The following ZNF385B variants were observed in gnomAD, a reference collection of about 807,000 sequenced individuals.
ZNF385B encodes the protein zinc finger protein 533.
In ZNF385B, 23 loss-of-function variants were observed where a neutral mutation model predicts 39.2. The ratio of observed to expected loss-of-function variants is 0.59; its 90% CI spans 0.42 to 0.83. The LOEUF (loss-of-function observed/expected upper bound fraction) is 0.83, where lower values mean the gene tolerates loss of function less well. Ranked by LOEUF, ZNF385B falls within the 40% of genes least tolerant of loss-of-function variation. The pLI is 0.00. For missense variants in ZNF385B, 552 were observed against 598.9 expected (o/e 0.92, Z 0.82); for synonymous variants, 205 against 222.6 (o/e 0.92, Z 0.70).
chr2:179,676,701 A>T (rs16866915), intron 3 of ZNF385B, among the ~76,000 whole-genome samples: 1 of 152,166 alleles, frequency 6.6e-6, no homozygotes. Flanking sequence ...GTTGGAAAGA[A>T]GTGGACGGAT....
chr2:179,478,971 T>C (rs1317859179), intron 6 of ZNF385B, among the ~76,000 whole-genome samples: 1 of 152,226 alleles, frequency 6.6e-6, no homozygotes, highest in Non-Finnish European at 1.5e-5. Context: ...CAATATGTTC[T>C]AGCCATCTTC....
At chr2:179,557,829 T>C (rs1018015156) in intron 3 of ZNF385B, among the ~76,000 whole-genome samples, 1 of 152,072 alleles carries the variant, frequency 6.6e-6, no homozygotes, top group Non-Finnish European at 1.5e-5. Context: ...GCCCAAGTAA[T>C]GAACATAGTA....
At chr2:179,568,135 G>A (rs1046426767) in intron 3 of ZNF385B, among the ~76,000 whole-genome samples, 1 of 151,966 alleles carries the variant, frequency 6.6e-6, no homozygotes, top group Non-Finnish European at 1.5e-5. Flanking sequence ...AGATCTAAGC[G>A]TCCTTCCTCT....
At chr2:179,841,883 G>A (rs1708554449) in intron 1 of ZNF385B, among the ~76,000 whole-genome samples, 1 of 152,134 alleles carries the variant, frequency 6.6e-6, no homozygotes, top group Non-Finnish European at 1.5e-5. Context: ...AATGGCAATG[G>A]ACGCCTGAGA....
intron 1 of ZNF385B, among the ~76,000 whole-genome samples, chr2:179,822,547 C>G (rs1707461063): frequency 1.3e-5 from 2 of 152,148 alleles, no homozygotes; most frequent in African/African-American, 4.8e-5. Flanking sequence ...GAAAGTGCCA[C>G]TCCTAAGCTG....
chr2:179,632,703 G>C (rs184853027), intron 3 of ZNF385B, among the ~76,000 whole-genome samples: 1 of 152,112 alleles, frequency 6.6e-6, no homozygotes, highest in Non-Finnish European at 1.5e-5. Context: ...ACTAAGATCA[G>C]AGCAGAACTG....
At chr2:179,445,108 T>C in intron 8 of ZNF385B, 131 bp from the exon 9 acceptor site, 1 of 757,152 alleles carries the variant, frequency 1.3e-6, no homozygotes, top group Non-Finnish European at 2.3e-6. Flanking sequence ...GTAAAATCAT[T>C]ATGATTTCTA....
intron 3 of ZNF385B, among the ~76,000 whole-genome samples, chr2:179,724,403 G>A (rs34209715): frequency 0.13 from 19,608 of 152,142 alleles, 1,780 homozygotes; most frequent in Admixed American, 0.29. Flanking sequence ...GAAATCTACA[G>A]TATTGAAAGA....
chr2:179,700,263 T>A (rs1699087211), intron 3 of ZNF385B, among the ~76,000 whole-genome samples: 1 of 152,248 alleles, frequency 6.6e-6, no homozygotes, highest in South Asian at 2.1e-4. Context: ...CCTTGTATTA[T>A]GAACAAATTG....
At chr2:179,748,809 A>G (rs150574938) in intron 3 of ZNF385B, among the ~76,000 whole-genome samples, 1 of 152,254 alleles carries the variant, frequency 6.6e-6, no homozygotes, top group African/African-American at 2.4e-5. Flanking sequence ...CAGAGCATTG[A>G]CACTACACTT....
intron 3 of ZNF385B, among the ~76,000 whole-genome samples, chr2:179,626,403 T>C (rs1690667698): frequency 6.6e-6 from 1 of 152,164 alleles, no homozygotes; most frequent in South Asian, 2.1e-4. Context: ...GCATACTGCT[T>C]CTTATCTCCT....
rs532733547 is a variant in ZNF385B, at chr2:179,562,450, C to T, written c.299-17481G>A. On this transcript the variant is annotated intron_variant, in intron 3 of 9. Transcript: ENST00000410066. ...TTCACGTCTGCATTTGAGCACTGTACGAGATGTTACATTTAAAAGTAAATA... is the reference window on the plus strand; with the variant it reads ...TTCACGTCTGCATTTGAGCACTGTATGAGATGTTACATTTAAAAGTAAATA... The T allele has an allele frequency of 1.7e-5, 17 of 985,366 alleles. No homozygotes were observed. The East Asian group carries it at 1.5e-3, about 86-fold the overall frequency. 61.0% of individuals were successfully genotyped at this position (985,366 alleles called of 1,614,324 possible).
At chr2:179,493,723 GTATATACATATA>G (rs144537735) in intron 5 of ZNF385B, among the ~76,000 whole-genome samples, 2,446 of 140,036 alleles carry the variant, frequency 0.017, 89 homozygotes, top group African/African-American at 0.062. Context: ...ATGCATATAC[GTATATACATATA>G]TGTATACATA....
chr2:179,858,144 C>T (rs1364394817), intron 1 of ZNF385B, among the ~76,000 whole-genome samples: 2 of 152,026 alleles, frequency 1.3e-5, no homozygotes, highest in Non-Finnish European at 2.9e-5. Context: ...AAAAAAATAG[C>T]CACCATGGGA....
chr2:179,670,154 T>C (rs1042475157), intron 3 of ZNF385B, among the ~76,000 whole-genome samples: 5 of 151,736 alleles, frequency 3.3e-5, no homozygotes, highest in African/African-American at 4.8e-5. Flanking sequence ...TAGCCGGGCG[T>C]GATGGCGGGC....
At chr2:179,727,379 G>C (rs991465015) in intron 3 of ZNF385B, among the ~76,000 whole-genome samples, 1 of 152,106 alleles carries the variant, frequency 6.6e-6, no homozygotes, top group East Asian at 1.9e-4. Flanking sequence ...TGCTATCTAA[G>C]CAATCTTAGG....
chr2:179,513,910 C>T (rs13409077), intron 5 of ZNF385B, among the ~76,000 whole-genome samples: 115 of 152,220 alleles, frequency 7.6e-4, no homozygotes, highest in African/African-American at 2.5e-3. Flanking sequence ...CCTAGCTCTG[C>T]CATTTATTGA....
intron 4 of ZNF385B, among the ~76,000 whole-genome samples, chr2:179,542,788 G>A (rs2060000349): frequency 1.3e-5 from 2 of 152,136 alleles, no homozygotes; most frequent in African/African-American, 4.8e-5. Context: ...TACCTTTTAG[G>A]TATATGTATA....
At chr2:179,643,586 T>C (rs1013733150) in intron 3 of ZNF385B, among the ~76,000 whole-genome samples, 4 of 152,068 alleles carry the variant, frequency 2.6e-5, no homozygotes, top group African/African-American at 9.7e-5. Context: ...CTCAAAGAGT[T>C]TGTGCTGAGC....
Sources: allele counts gnomAD v4.1 joint callset (sites outside exome capture counted in the v4.1 genomes callset), GRCh38; gene constraint gnomAD v4.1.1; transcripts MANE v1.5; gene names NCBI Gene and HGNC (gene_info 2026-07-23, HGNC 2026-07-21).